The following CABLES1 variants were observed in gnomAD, a reference collection of about 807,000 sequenced individuals.
The protein encoded by CABLES1 is Cdk5 and Abl enzyme substrate 1.
In CABLES1, 36 loss-of-function variants were observed where a neutral mutation model predicts 57.8. The ratio of observed to expected loss-of-function variants is 0.62; its 90% CI spans 0.48 to 0.82. The LOEUF is 0.82. Ranked by LOEUF, CABLES1 falls within the 40% of genes least tolerant of loss-of-function variation. The probability of loss-of-function intolerance (pLI) is 0.00; values close to 1 mark genes in which losing one functional copy is unlikely to be tolerated. For missense variants in CABLES1, 767 were observed against 836.6 expected, an observed-to-expected ratio of 0.92 and a Z score of 1.03; for synonymous variants, 374 against 363.0, an observed-to-expected ratio of 1.03 and a Z score of -0.35.
At chr18:23,224,495 A>C (rs2145068101) in intron 4 of CABLES1, among the ~76,000 whole-genome samples, 1 of 149,396 alleles carries the variant, frequency 6.7e-6, no homozygotes, top group African/African-American at 2.5e-5. Flanking sequence ...GAAATATTAT[A>C]TGTGAAAGCT....
At position 23,194,468 on chromosome 18, in the gene CABLES1, C is replaced by A; in HGVS notation, c.938C>A (p.Ser313Ter). 6.2e-7 allele frequency: 1 copy of A among 1,612,048 alleles called. No individual in the cohort carries two copies. The highest frequency in any genetic ancestry group is 8.5e-7 in the Non-Finnish European group (1 of 1,178,126). ...PLRRCRTLSG[S>*]PRPKNFKKIH... ...TTCAGATGTCGAACTCTCTCAGGTT[C>A]ACCCAGACCAAAGAATTTTAAGAAG... Residue 313 changes from serine to a stop codon, truncating the protein, a stop_gained, in exon 3 of 10, where the codon TCA becomes TAA. Coordinates refer to ENST00000256925, the MANE Select transcript of CABLES1 (RefSeq NM_001100619.3). LOFTEE classifies it high-confidence loss of function.
At chr18:23,229,088 T>C (rs1006786448) in intron 4 of CABLES1, among the ~76,000 whole-genome samples, 7 of 152,206 alleles carry the variant, frequency 4.6e-5, no homozygotes, top group African/African-American at 1.7e-4. Context: ...AACTTGCCTC[T>C]ATGCCATTTT....
chr18:23,155,827 C>T, intron 1 of CABLES1: 1 of 1,608,290 alleles, frequency 6.2e-7, no homozygotes, highest in Non-Finnish European at 8.5e-7. Context: ...AGCCTCCAGG[C>T]CATTTTTCTT....
At chr18:23,211,217 C>G (rs2047402418) in intron 3 of CABLES1, among the ~76,000 whole-genome samples, 1 of 152,166 alleles carries the variant, frequency 6.6e-6, no homozygotes, top group African/African-American at 2.4e-5. Context: ...TCCAAACAAA[C>G]TTAGTGTGTG....
In CABLES1 at chr18:23,136,108, C is replaced by T. The variant is rs1437617532; in HGVS notation, c.346C>T (p.Arg116Trp). ...GTTCAGCTTGCTCGCCGCTGCCGAGCGGGGCGGCTGCATCGCGCTCGCCGC... is the reference window on the plus strand; with the variant it reads ...GTTCAGCTTGCTCGCCGCTGCCGAGTGGGGCGGCTGCATCGCGCTCGCCGC... The part of the protein sequence containing the change: ...TRFSLLAAAE[R>W]GGCIALAAPG... The change falls in exon 1 of 10, where the codon CGG (arginine) becomes TGG (tryptophan). Residue 116 changes from arginine to tryptophan, a missense_variant. Around this residue, in one of 4 missense-constraint regions of CABLES1, gnomAD observed 198 missense variants for 149.7 expected, o/e 1.32. Transcript: ENST00000256925. 8.4e-7 allele frequency: 1 copy of T among 1,188,270 alleles called. No homozygotes were observed. Among genetic ancestry groups the T allele is most frequent in the Non-Finnish European group, 1.0e-6 (1 of 960,578 alleles). 73.6% of individuals were successfully genotyped at this position (1,188,270 alleles called of 1,614,324 possible).
chr18:23,230,280 G>T (rs2047557798), intron 4 of CABLES1, among the ~76,000 whole-genome samples: 1 of 152,208 alleles, frequency 6.6e-6, no homozygotes, highest in Admixed American at 6.5e-5. Context: ...GCTGAGGCAG[G>T]AGAATGGCAT....
At chr18:23,156,960 G>A (rs867962801) in intron 1 of CABLES1, among the ~76,000 whole-genome samples, 5 of 152,284 alleles carry the variant, frequency 3.3e-5, no homozygotes, top group South Asian at 2.1e-4. Flanking sequence ...GCTGAGAGAA[G>A]GCATGTAGCC....
intron 7 of CABLES1, among the ~76,000 whole-genome samples, chr18:23,247,241 C>T (rs778697457): frequency 2.6e-5 from 4 of 152,202 alleles, no homozygotes; most frequent in Non-Finnish European, 4.4e-5. Flanking sequence ...CAGGATGTGC[C>T]GGAGAATCAT....
chr18:23,210,907 C>T (rs2047400048), intron 3 of CABLES1, among the ~76,000 whole-genome samples: 1 of 152,078 alleles, frequency 6.6e-6, no homozygotes, highest in Admixed American at 6.5e-5. Context: ...CTCCCTCCTC[C>T]CTCCAGCCGC....
chr18:23,211,864 TTGCTGGGCTCCA>T (rs2047407555), intron 3 of CABLES1, among the ~76,000 whole-genome samples: 2 of 152,386 alleles, frequency 1.3e-5, no homozygotes, highest in African/African-American at 4.8e-5. Flanking sequence ...AGAAGCTCTG[TTGCTGGGCTCCA>T]TGCAGGCAAG....
chr18:23,254,786 C>T (rs2048122328), intron 9 of CABLES1, among the ~76,000 whole-genome samples: 1 of 152,164 alleles, frequency 6.6e-6, no homozygotes, highest in Admixed American at 6.5e-5. Flanking sequence ...ACTCCATGCC[C>T]AGGACCTCAT....
Position 23,135,760 on chromosome 18 carries a change from A to G in CABLES1, c.-3A>G, listed in dbSNP as rs2046813596. 1.0e-6 allele frequency: 1 copy of G among 986,520 alleles called. No individual in the cohort carries two copies. Among genetic ancestry groups the G allele is most frequent in the Non-Finnish European group, 1.2e-6 (1 of 832,296 alleles). The allele number at this position is 986,520 out of a possible 1,614,324, so 61.1% of individuals were successfully genotyped here. On this transcript the variant is annotated 5_prime_UTR_variant, in exon 1 of 10. Coordinates refer to ENST00000256925, the MANE Select transcript of CABLES1 (RefSeq NM_001100619.3). ...CGCGGAAATCCCGCCGCAGACGGAC[A>G]CAATGGCGGCGGCGGCGGCGGCCGC...
In CABLES1 at chr18:23,234,516, G is replaced by T. The variant is rs145508448; in HGVS notation, c.1089-92G>T. The T allele has an allele frequency of 1.6e-5, 15 of 923,276 alleles. No individual in the cohort carries two copies. In the Middle Eastern group the frequency reaches 6.4e-4, roughly 40 times the overall value. 57.2% of individuals were successfully genotyped at this position (923,276 alleles called of 1,614,324 possible). A position where few individuals can be genotyped will look rare whatever the true frequency, so the allele number is the denominator to read the frequency against. ...AGGGCTCACCTGGTCATTTTCATCG[G>T]TGTGACTGTGTTGTCTCATGGAGTA... On this transcript the variant is annotated intron_variant, in intron 4 of 9. Coordinates refer to ENST00000256925, the MANE Select transcript of CABLES1 (RefSeq NM_001100619.3).
At chr18:23,195,147 A>G (rs1254499474) in intron 3 of CABLES1, among the ~76,000 whole-genome samples, 1 of 152,222 alleles carries the variant, frequency 6.6e-6, no homozygotes, top group East Asian at 1.9e-4. Context: ...TGATATTAAA[A>G]CCTTCCAGAC....
In CABLES1 at chr18:23,236,402, A is replaced by G. The variant is rs79094659; in HGVS notation, c.1342+351A>G. Among the ~76,000 whole-genome samples the G allele has an allele frequency of 4.1e-3, 621 of 150,188 alleles. 8 individuals carry two copies. Among genetic ancestry groups the G allele is most frequent in the African/African-American group, 0.015 (602 of 41,042 alleles). ...TTCATGGTGCTCAATTCGGACTTTA[A>G]AAAAAAAAATCTGGGCTCTGAAGTG... On this transcript the variant is annotated intron_variant, in intron 6 of 9. Transcript: ENST00000256925.
At chr18:23,189,760 C>T (rs1339495003) in intron 2 of CABLES1, among the ~76,000 whole-genome samples, 1 of 152,232 alleles carries the variant, frequency 6.6e-6, no homozygotes, top group Non-Finnish European at 1.5e-5. Context: ...CTGGCTCTTC[C>T]TTCTGAGCCT....
chr18:23,162,192 G>A (rs2047010434), intron 1 of CABLES1, among the ~76,000 whole-genome samples: 1 of 148,554 alleles, frequency 6.7e-6, no homozygotes, highest in African/African-American at 2.5e-5. Flanking sequence ...AGAGAATCAT[G>A]CTTTACAGGT....
chr18:23,151,504 A>G (rs1354762594), intron 1 of CABLES1, among the ~76,000 whole-genome samples: 3 of 152,156 alleles, frequency 2.0e-5, no homozygotes, highest in Non-Finnish European at 4.4e-5. Context: ...GGTAGAGCTG[A>G]TAGAACTTGT....
At position 23,257,340 on chromosome 18, in the gene CABLES1, C is replaced by CT. The variant is rs1568098838; in HGVS notation, c.1876dup (p.Tyr626LeufsTer50). The stretch of plus-strand genomic sequence containing the variant: ...TGCCCGAGCACGAAGTCATGCCCCA[C>CT]TACAGACGGCTGGTCCAGAGTTCCT... On this transcript the variant is annotated frameshift_variant, in exon 10 of 10. Coordinates refer to ENST00000256925, the MANE Select transcript of CABLES1 (RefSeq NM_001100619.3). LOFTEE classifies it high-confidence loss of function. 6.2e-7 allele frequency: 1 copy of CT among 1,611,198 alleles called. No individual in the cohort carries two copies. Among genetic ancestry groups the CT allele is most frequent in the Admixed American group, 1.7e-5 (1 of 59,038 alleles).
Sources: gnomAD v4.1 joint callset for allele counts (sites outside exome capture counted in the v4.1 genomes callset) on GRCh38, gnomAD v4.1.1 for gene constraint, gnomAD v4.1.1 regional missense constraint, MANE v1.5 for transcripts, NCBI Gene and HGNC (gene_info 2026-07-23, HGNC 2026-07-21) for gene names.